CNPY3: variants seen among roughly 807,000 people sequenced by gnomAD.
CNPY3 encodes the protein canopy FGF signaling regulator 3.
CNPY3 carries 20 observed loss-of-function variants against 32.0 expected under a neutral mutation model. The observed-to-expected ratio is 0.63, with a 90% confidence interval of 0.44 to 0.91. The LOEUF (loss-of-function observed/expected upper bound fraction) is 0.91. CNPY3 is among the 40% of genes least tolerant of loss of function. The pLI, the probability that CNPY3 is intolerant of heterozygous loss-of-function variation, is 0.00. For synonymous variants in CNPY3, 138 were observed against 142.9 expected (o/e 0.97, Z 0.24); for missense variants, 299 against 340.8 (o/e 0.88, Z 0.97).
intron 1 of CNPY3, among the ~76,000 whole-genome samples, chr6:42,931,730 T>C (rs932120701): frequency 1.3e-5 from 2 of 151,300 alleles, no homozygotes; most frequent in African/African-American, 2.4e-5. Flanking sequence ...ATTATTATTA[T>C]TATTTTTTTT....
intron 1 of CNPY3, 134 bp downstream of exon 1, chr6:42,929,855 CG>C (rs1288486045): frequency 9.6e-7 from 1 of 1,038,966 alleles, no homozygotes; most frequent in Non-Finnish European, 1.3e-6. Context: ...AGGCTTGCGC[CG>C]GGACGCTGCG....
In CNPY3 at chr6:42,937,725, A is replaced by G; in HGVS notation, c.381A>G (p.Ser127=). ...CTGGTCGCTTCTTCCAGGGCATGTCAGAGACCTTTGAGACATTACACAACC... is the reference window on the plus strand; with the variant it reads ...CTGGTCGCTTCTTCCAGGGCATGTCGGAGACCTTTGAGACATTACACAACC... ...TGSNRFAKGM[S]ETFETLHNLV... is the part of the protein sequence containing the mutation. The change falls in exon 4 of 6, where the codon TCA becomes TCG. Residue 127 remains serine (S), a synonymous_variant. Coordinates refer to ENST00000372836, the MANE Select transcript of CNPY3 (RefSeq NM_006586.5). The G allele has an allele frequency of 1.2e-6, 2 of 1,614,104 alleles. No homozygotes were observed. Among genetic ancestry groups the G allele is most frequent in the Non-Finnish European group, 1.7e-6 (2 of 1,180,002 alleles).
chr6:42,928,096 T>C (rs915934920), upstream of CNPY3, among the ~76,000 whole-genome samples: 1 of 152,166 alleles, frequency 6.6e-6, no homozygotes, highest in African/African-American at 2.4e-5. Flanking sequence ...CAAGCAATTC[T>C]CCTGCCTCCA....
Position 42,938,548 on chromosome 6 carries a change from C to G in CNPY3, c.614-20C>G. 1 of 1,559,256 alleles carries G rather than the reference C, an allele frequency of 6.4e-7. No individual in the cohort carries two copies. Among genetic ancestry groups the G allele is most frequent in the Non-Finnish European group, 8.7e-7 (1 of 1,150,220 alleles). On this transcript the variant is annotated intron_variant, in intron 5 of 5. Transcript: ENST00000372836. Reference sequence around the variant, plus strand: ...GCCCTGAGGCACTTCTGTTGAGGGTCTCTCTCCTCCACACCCTAGGTTGCC... The same window carrying G: ...GCCCTGAGGCACTTCTGTTGAGGGTGTCTCTCCTCCACACCCTAGGTTGCC...
chr6:42,931,708 T>C (rs1767834599), intron 1 of CNPY3, among the ~76,000 whole-genome samples: 1 of 151,540 alleles, frequency 6.6e-6, no homozygotes, highest in Non-Finnish European at 1.5e-5. Flanking sequence ...TCTCTTTCTT[T>C]TCTGTCTTAT....
intron 3 of CNPY3, among the ~76,000 whole-genome samples, chr6:42,935,962 A>G (rs1768193861): frequency 6.7e-6 from 1 of 150,334 alleles, no homozygotes. Context: ...GAACGGGGAG[A>G]ACTCAGCAAG....
At chr6:42,928,875 G>A (rs1767538514), upstream of CNPY3, among the ~76,000 whole-genome samples, 1 of 152,136 alleles carries the variant, frequency 6.6e-6, no homozygotes, top group Non-Finnish European at 1.5e-5. Flanking sequence ...GGATCACTTT[G>A]TCGTCATACA....
Position 42,938,152 on chromosome 6 carries a change from G to A in CNPY3, c.558G>A (p.Glu186=). The A allele has an allele frequency of 6.2e-7, 1 of 1,614,180 alleles. No homozygotes were observed. The highest frequency in any genetic ancestry group is 2.2e-5 in the East Asian group (1 of 44,878). The change falls in exon 5 of 6, where the codon GAG becomes GAA. Residue 186 remains glutamate, a synonymous_variant. Transcript: ENST00000372836. ...VIEDWYRNHQ[E]EDLTEFLCAN... Reference sequence around the variant, plus strand: ...AGGACTGGTACAGGAACCACCAGGAGGAAGACCTGACTGAATTCCTCTGCG... The same window carrying A: ...AGGACTGGTACAGGAACCACCAGGAAGAAGACCTGACTGAATTCCTCTGCG...
At chr6:42,934,152 CAAA>C (rs879925824) in intron 1 of CNPY3, among the ~76,000 whole-genome samples, 1 of 131,014 alleles carries the variant, frequency 7.6e-6, no homozygotes, top group Non-Finnish European at 1.7e-5. Context: ...AACTCCATCT[CAAA>C]AAAAAAAAAG....
At chr6:42,935,726 G>C (rs1562543434) in intron 3 of CNPY3, 56 bp downstream of exon 3, 8 of 1,560,428 alleles carry the variant, frequency 5.1e-6, no homozygotes, top group Non-Finnish European at 7.0e-6. Context: ...ATGTATCTTA[G>C]TGTGTCTGCT....
At chr6:42,928,173 G>C (rs940223233), upstream of CNPY3, among the ~76,000 whole-genome samples, 13 of 152,080 alleles carry the variant, frequency 8.5e-5, no homozygotes, top group Non-Finnish European at 1.8e-4. Flanking sequence ...ATCTTTAGTA[G>C]AGATGGGGTT....
rs186859976 is a variant in CNPY3, at chr6:42,933,937, G to A, written c.152-538G>A. ...TGTAATCCCAGCACTTTGTGAGGCCGAGGTGGGCGGATCGCTTGAGGTCAG... is the reference window on the plus strand; with the variant it reads ...TGTAATCCCAGCACTTTGTGAGGCCAAGGTGGGCGGATCGCTTGAGGTCAG... On this transcript the variant is annotated intron_variant, in intron 1 of 5. Transcript: ENST00000372836. Among the ~76,000 whole-genome samples the A allele has an allele frequency of 1.6e-4, 24 of 152,282 alleles. No homozygotes were observed. The East Asian group carries it at 3.7e-3, about 23-fold the overall frequency.
chr6:42,935,760 A>T, intron 3 of CNPY3, 90 bp downstream of exon 3: 1 of 1,376,148 alleles, frequency 7.3e-7, no homozygotes, highest in African/African-American at 1.4e-5. Flanking sequence ...TTTGAAGATG[A>T]CCACCTGGGA....
Position 42,938,840 on chromosome 6 carries a change from A to T in CNPY3, c.*49A>T. The T allele has an allele frequency of 6.6e-7, 1 of 1,510,226 alleles. No individual in the cohort carries two copies. The highest frequency in any genetic ancestry group is 1.3e-5 in the South Asian group (1 of 75,752). The allele number at this position is 1,510,226 out of a possible 1,614,324, so 93.6% of individuals were successfully genotyped here. A position where few individuals can be genotyped will look rare whatever the true frequency, so the allele number is the denominator to read the frequency against. On this transcript the variant is annotated 3_prime_UTR_variant, in exon 6 of 6. Coordinates refer to ENST00000372836, the MANE Select transcript of CNPY3 (RefSeq NM_006586.5). The stretch of plus-strand genomic sequence containing the variant: ...GAGACCCCTGATTTTGAAGCTGAGG[A>T]GTCAGGGGCATGGCTCTGGCAGGCC...
At position 42,938,774 on chromosome 6, in the gene CNPY3, C is replaced by T; in HGVS notation, c.820C>T (p.Pro274Ser). ...GAAGGCATCCCCTCTCACACACAGCCCCCCTGATGAGCTCTGAGCCCACCC... is the reference window on the plus strand; with the variant it reads ...GAAGGCATCCCCTCTCACACACAGCTCCCCTGATGAGCTCTGAGCCCACCC... ...IQKASPLTHS[P>S]PDEL is the part of the protein sequence containing the mutation. The change falls in exon 6 of 6, where the codon CCC becomes TCC. Residue 274 changes from proline (P) to serine (S), a missense_variant. Transcript: ENST00000372836. 2 of 1,610,870 alleles carry T rather than the reference C, an allele frequency of 1.2e-6. No individual in the cohort carries two copies. The highest frequency in any genetic ancestry group is 1.1e-5 in the South Asian group (1 of 90,754).
chr6:42,929,518 C>A lies in CNPY3; in HGVS notation c.-53C>A, dbSNP rs2234188. On this transcript the variant is annotated 5_prime_UTR_variant, in exon 1 of 6. Transcript: ENST00000372836. ...CGGCGAGGGGAAACTGCTCCGCGCG[C>A]GCCGCGGGAGGAGGAACCGCCCGGT... The A allele has an allele frequency of 1.5e-5, 22 of 1,496,968 alleles. No individual in the cohort carries two copies. In the East Asian group the frequency reaches 5.2e-4, roughly 35 times the overall value. 92.7% of individuals were successfully genotyped at this position (1,496,968 alleles called of 1,614,324 possible). A position where few individuals can be genotyped will look rare whatever the true frequency, so the allele number is the denominator to read the frequency against.
chr6:42,935,528 T>C, intron 2 of CNPY3, 46 bp from the exon 3 acceptor site: 1 of 1,584,524 alleles, frequency 6.3e-7, no homozygotes, highest in Non-Finnish European at 8.6e-7. Flanking sequence ...ACTAACCCAC[T>C]GCGGCTAGGA....
intron 1 of CNPY3, among the ~76,000 whole-genome samples, chr6:42,933,238 C>T (rs1767960086): frequency 6.6e-6 from 1 of 152,072 alleles, no homozygotes. Flanking sequence ...TTCCTAGGGC[C>T]TCAGGCACTT....
At chr6:42,931,866 G>A (rs1165268146) in intron 1 of CNPY3, among the ~76,000 whole-genome samples, 1 of 151,874 alleles carries the variant, frequency 6.6e-6, no homozygotes, top group Non-Finnish European at 1.5e-5. Flanking sequence ...TGGGATTACA[G>A]GCACCTGCCA....
Sources: gnomAD v4.1 joint callset for allele counts (sites outside exome capture counted in the v4.1 genomes callset) on GRCh38, gnomAD v4.1.1 for gene constraint, MANE v1.5 for transcripts, NCBI Gene and HGNC (gene_info 2026-07-23, HGNC 2026-07-21) for gene names.